Variants in RASGRF2 observed in about 807,000 individuals in gnomAD.
RASGRF2 encodes ras-specific guanine nucleotide-releasing factor 2.
A neutral mutation model predicts 151.0 loss-of-function variants in RASGRF2; 76 were observed. That is an observed-to-expected ratio of 0.50 (90% CI 0.42 to 0.61). The LOEUF is 0.61. Ranked by LOEUF, RASGRF2 falls within the 20% of genes least tolerant of loss-of-function variation. The pLI is 0.00. For missense variants in RASGRF2, 1,148 were observed against 1,564.6 expected, an observed-to-expected ratio of 0.73 and a Z score of 4.49; for synonymous variants, 504 against 566.5, an observed-to-expected ratio of 0.89 and a Z score of 1.57.
chr5:81,211,059 G>A (rs940282616), intron 22 of RASGRF2, among the ~76,000 whole-genome samples: 3 of 151,270 alleles, frequency 2.0e-5, no homozygotes, highest in African/African-American at 2.4e-5. Context: ...TGAGAGGATC[G>A]CTTGAGCCCT....
intron 18 of RASGRF2, among the ~76,000 whole-genome samples, chr5:81,195,195 G>C (rs1755236985): frequency 6.6e-6 from 1 of 152,336 alleles, no homozygotes; most frequent in South Asian, 2.1e-4. Context: ...CCACCCAGGG[G>C]CCCGCGCCAG....
At chr5:81,060,004 C>T (rs72769285) in intron 2 of RASGRF2, among the ~76,000 whole-genome samples, 30,755 of 152,098 alleles carry the variant, frequency 0.2, 3,368 homozygotes, top group Middle Eastern at 0.35. Context: ...TGGCAGAAGG[C>T]GAAGGAGGAG....
chr5:81,034,807 GA>G (rs201014350), intron 1 of RASGRF2, among the ~76,000 whole-genome samples: 25,254 of 128,400 alleles, frequency 0.2, 3,719 homozygotes, highest in Admixed American at 0.27. Flanking sequence ...TGTGGGGTGG[GA>G]GGGGGGTAGG....
intron 1 of RASGRF2, among the ~76,000 whole-genome samples, chr5:81,002,062 G>A (rs952385106): frequency 2.0e-5 from 3 of 152,216 alleles, no homozygotes; most frequent in African/African-American, 7.2e-5. Context: ...TGGCTTTGCA[G>A]CAGTGGTCCA....
intron 25 of RASGRF2, 52 bp downstream of exon 25, chr5:81,217,525 A>G: frequency 7.8e-7 from 1 of 1,277,516 alleles, no homozygotes; most frequent in African/African-American, 1.6e-5. Flanking sequence ...AGGTTTATAG[A>G]GAAGAGGCTA....
chr5:81,221,753 G>A (rs532293383), intron 26 of RASGRF2, among the ~76,000 whole-genome samples: 1 of 152,134 alleles, frequency 6.6e-6, no homozygotes, highest in Admixed American at 6.5e-5. Flanking sequence ...AAGGCAGCCG[G>A]ATTACCTGAG....
At chr5:81,210,855 T>C (rs1489255914) in intron 22 of RASGRF2, among the ~76,000 whole-genome samples, 1 of 152,098 alleles carries the variant, frequency 6.6e-6, no homozygotes, top group Admixed American at 6.6e-5. Context: ...CCTTTAAGAC[T>C]CAATGCAAGG....
chr5:81,068,663 G>C (rs1035456456), intron 3 of RASGRF2, among the ~76,000 whole-genome samples: 5 of 152,154 alleles, frequency 3.3e-5, no homozygotes, highest in African/African-American at 1.2e-4. Flanking sequence ...TAAACTATAA[G>C]ACATTTGCTA....
At chr5:81,062,309 C>T (rs796933768) in intron 2 of RASGRF2, among the ~76,000 whole-genome samples, 115 of 152,188 alleles carry the variant, frequency 7.6e-4, no homozygotes, top group African/African-American at 2.6e-3. Context: ...GTCTTTTGCC[C>T]GCTCTGTTTT....
intron 2 of RASGRF2, among the ~76,000 whole-genome samples, chr5:81,046,998 G>T (rs1368739385): frequency 6.6e-6 from 1 of 152,130 alleles, no homozygotes; most frequent in East Asian, 1.9e-4. Flanking sequence ...AGAGATGTAG[G>T]GGGTAGACTT....
chr5:81,185,134 T>C (rs1383812071), intron 18 of RASGRF2, among the ~76,000 whole-genome samples: 1 of 151,884 alleles, frequency 6.6e-6, no homozygotes, highest in African/African-American at 2.4e-5. Flanking sequence ...CTGTGGGAAG[T>C]TGAGGTAGGA....
At chr5:81,216,348 T>TACACAC (rs10648156) in intron 24 of RASGRF2, among the ~76,000 whole-genome samples, 3,047 of 147,566 alleles carry the variant, frequency 0.021, 50 homozygotes, top group East Asian at 0.069. Context: ...ATTCCCTTTC[T>TACACAC]ACACACACAC....
At chr5:81,000,759 T>G (rs536240974) in intron 1 of RASGRF2, among the ~76,000 whole-genome samples, 1 of 152,318 alleles carries the variant, frequency 6.6e-6, no homozygotes, top group African/African-American at 2.4e-5. Flanking sequence ...TGCCTTGGTT[T>G]TGTCCTATGC....
intron 16 of RASGRF2, 59 bp from the exon 17 acceptor site, chr5:81,127,015 G>A: frequency 6.4e-7 from 1 of 1,554,326 alleles, no homozygotes; most frequent in Non-Finnish European, 8.9e-7. Flanking sequence ...GATGATTTTT[G>A]TTACAGAATA....
intron 2 of RASGRF2, among the ~76,000 whole-genome samples, chr5:81,062,093 C>T (rs970624769): frequency 1.4e-4 from 21 of 151,760 alleles, no homozygotes; most frequent in African/African-American, 5.1e-4. Flanking sequence ...CCTCTCACCT[C>T]AGCTTCCCAA....
At chr5:81,216,852 G>A in intron 24 of RASGRF2, 1 of 356,640 alleles carries the variant, frequency 2.8e-6, no homozygotes, top group South Asian at 2.2e-5. Flanking sequence ...TCTCACCTTA[G>A]TCTGAGTTGT....
chr5:81,034,050 G>T (rs1244048839), intron 1 of RASGRF2, among the ~76,000 whole-genome samples: 1 of 152,152 alleles, frequency 6.6e-6, no homozygotes, highest in Non-Finnish European at 1.5e-5. Context: ...ATGAAAAAAT[G>T]CTCATCATCA....
intron 16 of RASGRF2, 69 bp from the exon 17 acceptor site, chr5:81,127,005 G>A: frequency 1.3e-6 from 2 of 1,529,798 alleles, no homozygotes; most frequent in Non-Finnish European, 1.8e-6. Flanking sequence ...GAAGAAAAAT[G>A]ATGATTTTTG....
chr5:81,217,574 CTTTTTTTTTT>C (rs71603577), intron 25 of RASGRF2, 101 bp downstream of exon 25: 149 of 181,588 alleles, frequency 8.2e-4, no homozygotes, highest in Non-Finnish European at 1.1e-3. Flanking sequence ...TTTTTCTCTT[CTTTTTTTTTT>C]TTTTTTTTTT....
Sources: gnomAD v4.1 joint callset for allele counts (sites outside exome capture counted in the v4.1 genomes callset) on GRCh38, gnomAD v4.1.1 for gene constraint, MANE v1.5 for transcripts, NCBI Gene and HGNC (gene_info 2026-07-23, HGNC 2026-07-21) for gene names.